ARSB: variants seen among roughly 807,000 people sequenced by gnomAD.
ARSB encodes arylsulfatase B, also known as N-acetylgalactosamine-4-sulfatase.
In ARSB, 41 loss-of-function variants were observed where a neutral mutation model predicts 50.9. The observed-to-expected ratio is 0.81, with a 90% CI of 0.63 to 1.04. The LOEUF (loss-of-function observed/expected upper bound fraction) is 1.04, where lower values mean the gene tolerates loss of function less well. Among genes scored for constraint, ARSB ranks in the 50% least tolerant of loss-of-function variants. ARSB has a pLI of 0.00. For synonymous variants in ARSB, 269 were observed against 284.8 expected (o/e 0.94, Z 0.56); for missense variants, 672 against 693.3 (o/e 0.97, Z 0.35).
intron 6 of ARSB, among the ~76,000 whole-genome samples, chr5:78,784,953 C>T (rs1028670259): frequency 2.0e-5 from 3 of 152,034 alleles, no homozygotes; most frequent in Non-Finnish European, 4.4e-5. Context: ...TGCATGCCAC[C>T]ATGCCCAGCT....
chr5:78,985,560 T>TA (rs11424557), upstream of ARSB: 24,849 of 192,192 alleles, frequency 0.13, 1,975 homozygotes, highest in East Asian at 0.31. Flanking sequence ...TGTGGTTTCC[T>TA]AAAAAAAAAA....
Position 78,805,319 on chromosome 5 carries a change from A to G in ARSB, c.1214-23345T>C, listed in dbSNP as rs1402107898. ...GACATATCAGAGCATAAGTCAGCCAACGAGGCACACAGGCAGCTATAAGAC... is the reference window on the plus strand; with the variant it reads ...GACATATCAGAGCATAAGTCAGCCAGCGAGGCACACAGGCAGCTATAAGAC... On this transcript the variant is annotated intron_variant, in intron 6 of 7. Coordinates refer to ENST00000264914, the MANE Select transcript of ARSB (RefSeq NM_000046.5). Among the ~76,000 whole-genome samples, 5 of 152,362 alleles carry G rather than the reference A, an allele frequency of 3.3e-5. 1 individual carries two copies. The South Asian group carries it at 1.0e-3, about 32-fold the overall frequency.
At chr5:78,865,681 C>T (rs1334929739) in intron 5 of ARSB, among the ~76,000 whole-genome samples, 1 of 152,180 alleles carries the variant, frequency 6.6e-6, no homozygotes, top group Non-Finnish European at 1.5e-5. Flanking sequence ...TGCTCTGCTT[C>T]CCTTATAAAA....
intron 5 of ARSB, among the ~76,000 whole-genome samples, chr5:78,841,168 C>CTACTACTACTACTAATAATAA (rs368030435): frequency 0.011 from 1,396 of 131,926 alleles, 14 homozygotes; most frequent in African/African-American, 0.022. Flanking sequence ...ACTACTACTA[C>CTACTACTACTACTAATAATAA]TAATAATAAT....
At chr5:78,827,724 G>T (rs1309206128) in intron 6 of ARSB, among the ~76,000 whole-genome samples, 1 of 152,192 alleles carries the variant, frequency 6.6e-6, no homozygotes, top group East Asian at 1.9e-4. Context: ...TTCAGGCAGT[G>T]CCTAAACCAG....
At chr5:78,905,925 A>AG (rs1216430446) in intron 4 of ARSB, among the ~76,000 whole-genome samples, 1 of 151,072 alleles carries the variant, frequency 6.6e-6, no homozygotes, top group African/African-American at 2.4e-5. Flanking sequence ...AAAAAAAAAA[A>AG]AAAAAAAAAA....
intron 6 of ARSB, among the ~76,000 whole-genome samples, chr5:78,813,681 A>G (rs1362093353): frequency 2.0e-5 from 3 of 152,076 alleles, no homozygotes; most frequent in Non-Finnish European, 4.4e-5. Context: ...CACTTGAGCC[A>G]GGGAGCTCAA....
At chr5:78,940,675 T>G (rs1459064060) in intron 4 of ARSB, among the ~76,000 whole-genome samples, 5 of 152,224 alleles carry the variant, frequency 3.3e-5, no homozygotes, top group Non-Finnish European at 7.3e-5. Context: ...CCATGCTGTT[T>G]CAGTCACTGT....
chr5:78,947,238 T>C (rs1427918422), intron 4 of ARSB, among the ~76,000 whole-genome samples: 1 of 152,148 alleles, frequency 6.6e-6, no homozygotes, highest in East Asian at 1.9e-4. Flanking sequence ...TCTTGTGTAA[T>C]ATCCCACAAG....
intron 6 of ARSB, among the ~76,000 whole-genome samples, chr5:78,815,170 T>C (rs1411725530): frequency 1.3e-5 from 2 of 150,766 alleles, no homozygotes; most frequent in African/African-American, 4.9e-5. Flanking sequence ...TTTAAAGAGA[T>C]TGCTTATTTT....
At chr5:78,801,260 C>T (rs1448201389) in intron 6 of ARSB, among the ~76,000 whole-genome samples, 2 of 152,100 alleles carry the variant, frequency 1.3e-5, no homozygotes, top group Non-Finnish European at 2.9e-5. Context: ...ATAACTCTGT[C>T]ACTGGAAGGG....
intron 5 of ARSB, among the ~76,000 whole-genome samples, chr5:78,872,072 C>T (rs371988560): frequency 0.088 from 12,350 of 140,554 alleles, 700 homozygotes; most frequent in Admixed American, 0.12. Context: ...AAAATGCTCA[C>T]CATCACTGGC....
intron 4 of ARSB, among the ~76,000 whole-genome samples, chr5:78,917,969 A>G (rs2112340228): frequency 6.6e-6 from 1 of 152,344 alleles, no homozygotes; most frequent in African/African-American, 2.4e-5. Flanking sequence ...AACAGTCACC[A>G]CACTTCCTTA....
intron 3 of ARSB, among the ~76,000 whole-genome samples, chr5:78,957,255 A>G (rs112390539): frequency 5.1e-4 from 78 of 152,340 alleles, no homozygotes; most frequent in African/African-American, 1.0e-3. Context: ...CTCATAAATG[A>G]ATGAAAATGG....
chr5:78,873,868 C>T (rs1747360469), intron 5 of ARSB, among the ~76,000 whole-genome samples: 1 of 152,136 alleles, frequency 6.6e-6, no homozygotes, highest in Admixed American at 6.5e-5. Context: ...TCACTTTTAT[C>T]TGAGAAAACT....
At chr5:78,939,243 G>C (rs1014196548) in intron 4 of ARSB, among the ~76,000 whole-genome samples, 4 of 151,506 alleles carry the variant, frequency 2.6e-5, no homozygotes, top group African/African-American at 9.7e-5. Flanking sequence ...AGTAAAAAGA[G>C]CTCTCAACAT....
intron 6 of ARSB, among the ~76,000 whole-genome samples, chr5:78,813,769 A>G (rs2112662349): frequency 6.6e-6 from 1 of 152,300 alleles, no homozygotes. Flanking sequence ...AAACAAAAAA[A>G]AAAGCAGTGA....
chr5:78,894,678 T>C (rs570371597), intron 4 of ARSB, among the ~76,000 whole-genome samples: 1 of 152,280 alleles, frequency 6.6e-6, no homozygotes, highest in East Asian at 1.9e-4. Flanking sequence ...TATCCAAACA[T>C]GAAGCAGTTT....
chr5:78,942,838 T>G (rs1455384384), intron 4 of ARSB, among the ~76,000 whole-genome samples: 2 of 152,212 alleles, frequency 1.3e-5, no homozygotes, highest in Admixed American at 6.5e-5. Flanking sequence ...ATATCCTTGT[T>G]AACTTTCTGT....
Sources: allele counts gnomAD v4.1 joint callset (sites outside exome capture counted in the v4.1 genomes callset), GRCh38; gene constraint gnomAD v4.1.1; transcripts MANE v1.5; gene names NCBI Gene and HGNC (gene_info 2026-07-23, HGNC 2026-07-21).